CIMIP2A: variants seen among roughly 807,000 people sequenced by gnomAD.
CIMIP2A encodes family with sequence similarity 166 member A.
At chr9:137,244,515 C>T in the CIMIP2A span, 16 of 1,509,232 alleles carry the variant, frequency 1.1e-5, no homozygotes, top group African/African-American at 1.8e-4. Context: ...AGGAGAGAGC[C>T]AGGCAGAGCC....
At chr9:137,245,981 G>A in the CIMIP2A span, 7 of 663,480 alleles carry the variant, frequency 1.1e-5, no homozygotes, top group South Asian at 3.2e-5. Flanking sequence ...GTGGCAGCTC[G>A]CCTGCCCTCT....
At chr9:137,254,523 G>A in the CIMIP2A span, among the ~76,000 whole-genome samples, 1 of 152,262 alleles carries the variant, frequency 6.6e-6, no homozygotes, top group African/African-American at 2.4e-5. Flanking sequence ...GCTTCCTGGA[G>A]GAGGTGGTGG....
At chr9:137,243,773 T>C in the CIMIP2A span, 1 of 1,614,018 alleles carries the variant, frequency 6.2e-7, no homozygotes, top group Non-Finnish European at 8.5e-7. Context: ...TGTCAGGGCG[T>C]AGTTGTCCTG....
the CIMIP2A span, chr9:137,251,295 T>G: frequency 4.3e-6 from 7 of 1,611,080 alleles, no homozygotes; most frequent in Non-Finnish European, 5.1e-6. Flanking sequence ...TGATGATGAA[T>G]TCTGACCAGA....
chr9:137,251,389 C>T, the CIMIP2A span: 2 of 1,610,450 alleles, frequency 1.2e-6, no homozygotes, highest in Non-Finnish European at 1.7e-6. Flanking sequence ...ACAACCAGAG[C>T]CCACCCAGTA....
the CIMIP2A span, chr9:137,245,306 C>G: frequency 2.5e-6 from 4 of 1,583,084 alleles, no homozygotes; most frequent in South Asian, 3.4e-5. Flanking sequence ...CCCCTGGCTG[C>G]CTGGTGCTGC....
chr9:137,254,984 G>C, the CIMIP2A span, among the ~76,000 whole-genome samples: 1 of 152,230 alleles, frequency 6.6e-6, no homozygotes, highest in Non-Finnish European at 1.5e-5. Flanking sequence ...GCAGAGGGGC[G>C]GGGAGCTCAA....
the CIMIP2A span, chr9:137,244,846 C>T: frequency 3.3e-5 from 52 of 1,566,954 alleles, no homozygotes; most frequent in Admixed American, 5.7e-5. Flanking sequence ...CCCTTTCGTT[C>T]CCTGAACGTT....
the CIMIP2A span, chr9:137,244,088 C>T: frequency 1.0e-5 from 14 of 1,374,378 alleles, no homozygotes; most frequent in East Asian, 2.5e-4. Flanking sequence ...GGTCCTGAAC[C>T]AGCAATGAAG....
the CIMIP2A span, chr9:137,252,222 C>CG: frequency 2.0e-6 from 3 of 1,516,200 alleles, no homozygotes; most frequent in African/African-American, 4.1e-5. Flanking sequence ...GAAACCCCCA[C>CG]GGCCTGAGGG....
the CIMIP2A span, chr9:137,251,962 G>A: frequency 6.2e-7 from 1 of 1,600,246 alleles, no homozygotes; most frequent in Non-Finnish European, 8.5e-7. Context: ...GGGGCCCGCT[G>A]AAAGGAGCCC....
chr9:137,249,032 A>AT, the CIMIP2A span, among the ~76,000 whole-genome samples: 1 of 142,068 alleles, frequency 7.0e-6, no homozygotes, highest in Non-Finnish European at 1.5e-5. Context: ...TTTTTTTTGT[A>AT]TTTTTAGTAG....
the CIMIP2A span, among the ~76,000 whole-genome samples, chr9:137,247,019 C>CTTAA: frequency 1.8e-4 from 27 of 152,102 alleles, no homozygotes; most frequent in Non-Finnish European, 2.9e-4. Context: ...GGCGTGGTGG[C>CTTAA]TTAAGCCTGT....
At chr9:137,251,415 G>C in the CIMIP2A span, 3 of 1,579,560 alleles carry the variant, frequency 1.9e-6, no homozygotes, top group Non-Finnish European at 2.6e-6. Context: ...CGGAGAGGGG[G>C]AGAAGGGGCG....
the CIMIP2A span, among the ~76,000 whole-genome samples, chr9:137,249,136 G>C: frequency 2.0e-5 from 3 of 152,204 alleles, no homozygotes; most frequent in South Asian, 6.2e-4. Context: ...GATTACAGGC[G>C]TGAGCCACTG....
chr9:137,244,638 C>T, the CIMIP2A span: 1 of 1,613,630 alleles, frequency 6.2e-7, no homozygotes, highest in East Asian at 2.2e-5. Flanking sequence ...TGGCGCTTTC[C>T]TACCTGGCTC....
chr9:137,245,514 T>C, the CIMIP2A span: 14 of 1,613,600 alleles, frequency 8.7e-6, no homozygotes, highest in Admixed American at 1.7e-5. Context: ...CCTCCAAGGG[T>C]GGGAGCTGGC....
At chr9:137,254,052 G>A in the CIMIP2A span, among the ~76,000 whole-genome samples, 1 of 152,182 alleles carries the variant, frequency 6.6e-6, no homozygotes. Flanking sequence ...CTCCTACCCA[G>A]GGTCGGGCCC....
chr9:137,253,492 G>T, the CIMIP2A span: 2 of 1,428,110 alleles, frequency 1.4e-6, no homozygotes, highest in Non-Finnish European at 1.8e-6. Context: ...GAGCTCTGTG[G>T]TGTGCAGTTG....
Sources: allele counts gnomAD v4.1 joint callset (sites outside exome capture counted in the v4.1 genomes callset), GRCh38; gene constraint gnomAD v4.1.1; transcripts MANE v1.5; gene names NCBI Gene and HGNC (gene_info 2026-07-23, HGNC 2026-07-21).